The following SLC4A5 variants were observed in gnomAD, a reference collection of about 807,000 sequenced individuals.
SLC4A5 encodes the protein solute carrier family 4 member 5, also known as electrogenic sodium bicarbonate cotransporter 4.
SLC4A5 carries 96 observed loss-of-function variants against 120.4 expected under a neutral mutation model. That is an observed-to-expected ratio of 0.80 (90% CI 0.68 to 0.94). The LOEUF (loss-of-function observed/expected upper bound fraction) is 0.94, where lower values mean the gene tolerates loss of function less well. Among genes scored for constraint, SLC4A5 ranks in the 40% least tolerant of loss-of-function variants. The pLI is 0.00. For missense variants in SLC4A5, 1,259 were observed against 1,459.5 expected (o/e 0.86, Z 2.24); for synonymous variants, 550 against 571.1 (o/e 0.96, Z 0.53).
intron 5 of SLC4A5, among the ~76,000 whole-genome samples, chr2:74,320,920 T>C (rs1385436684): frequency 2.6e-5 from 4 of 152,202 alleles, no homozygotes; most frequent in African/African-American, 9.7e-5. Flanking sequence ...GTAATCATGG[T>C]ACACTATACT....
chr2:74,227,200 A>C (rs1451726017), intron 26 of SLC4A5, 70 bp from the exon 27 acceptor site: 12 of 1,490,310 alleles, frequency 8.1e-6, no homozygotes. Context: ...GGACTAGGGG[A>C]AGGGGTGCCT....
chr2:74,237,687 A>G (rs975352505), intron 21 of SLC4A5, among the ~76,000 whole-genome samples: 4 of 152,190 alleles, frequency 2.6e-5, no homozygotes, highest in Non-Finnish European at 5.9e-5. Context: ...ACGGTGGGAA[A>G]GAGTTGCTTA....
chr2:74,217,559 G>A (rs1249200974), exon 31 of SLC4A5: 1 of 152,138 alleles, frequency 6.6e-6, no homozygotes, highest in African/African-American at 2.4e-5. Flanking sequence ...TTTGCAGGGA[G>A]GACCCACCCA....
chr2:74,257,734 C>T lies in SLC4A5; in HGVS notation c.868-1802G>A, dbSNP rs953430422. Among the ~76,000 whole-genome samples, 8 of 152,072 alleles carry T rather than the reference C, an allele frequency of 5.3e-5. No homozygotes were observed. The East Asian group carries it at 9.7e-4, about 18-fold the overall frequency. On this transcript the variant is annotated intron_variant, in intron 12 of 30. Coordinates refer to ENST00000394019, the Ensembl canonical transcript of SLC4A5. Reference sequence around the variant, plus strand: ...CTGGGACTACAGGCATGTGCCACCACGCCCGGCTAATTTTTGTATTTTTGA... The same window carrying T: ...CTGGGACTACAGGCATGTGCCACCATGCCCGGCTAATTTTTGTATTTTTGA...
At chr2:74,292,060 A>C (rs1464919333) in intron 7 of SLC4A5, among the ~76,000 whole-genome samples, 1 of 152,208 alleles carries the variant, frequency 6.6e-6, no homozygotes, top group Non-Finnish European at 1.5e-5. Context: ...CTGGCAAGAC[A>C]TCAAGCTCCC....
intron 8 of SLC4A5, among the ~76,000 whole-genome samples, chr2:74,278,311 G>C (rs1486725878): frequency 6.6e-6 from 1 of 152,138 alleles, no homozygotes; most frequent in Non-Finnish European, 1.5e-5. Context: ...CACTTAATTA[G>C]CCTTCCAATC....
At chr2:74,254,529 G>A (rs1280107420) in intron 14 of SLC4A5, 90 bp downstream of exon 14, 5 of 1,006,726 alleles carry the variant, frequency 5.0e-6, no homozygotes, top group East Asian at 2.4e-5. Context: ...GTGCTCAAAT[G>A]TGCTGGCTGG....
chr2:74,308,551 T>C (rs1227252545), intron 6 of SLC4A5, among the ~76,000 whole-genome samples: 1 of 152,264 alleles, frequency 6.6e-6, no homozygotes, highest in Non-Finnish European at 1.5e-5. Context: ...ATATCTTTTG[T>C]CCATTATTAA....
intron 7 of SLC4A5, among the ~76,000 whole-genome samples, chr2:74,296,171 G>T (rs1162565632): frequency 6.6e-6 from 1 of 151,994 alleles, no homozygotes; most frequent in Non-Finnish European, 1.5e-5. Context: ...TCTTGGCTAG[G>T]GAGGGAATGC....
At chr2:74,254,643 G>A in exon 14 of SLC4A5, 1 of 1,614,068 alleles carries the variant, frequency 6.2e-7, no homozygotes, top group Non-Finnish European at 8.5e-7. Context: ...GGGTTGCAAT[G>A]GCACGGCCAA....
chr2:74,219,649 G>A (rs894048104), intron 30 of SLC4A5, among the ~76,000 whole-genome samples: 4 of 152,118 alleles, frequency 2.6e-5, no homozygotes, highest in Non-Finnish European at 5.9e-5. Flanking sequence ...ATTTAACAGG[G>A]TTTTGGAAAC....
At chr2:74,271,308 CT>C (rs1334516560) in intron 8 of SLC4A5, among the ~76,000 whole-genome samples, 1 of 152,110 alleles carries the variant, frequency 6.6e-6, no homozygotes, top group African/African-American at 2.4e-5. Context: ...ACCTGAAGCA[CT>C]TTAGAAACCA....
chr2:74,281,274 AC>A (rs1420394276), intron 8 of SLC4A5, among the ~76,000 whole-genome samples: 1 of 152,216 alleles, frequency 6.6e-6, no homozygotes, highest in African/African-American at 2.4e-5. Flanking sequence ...ATTTGCTTTC[AC>A]AGCTCTTGGG....
chr2:74,248,795 T>C (rs1670700190), intron 17 of SLC4A5, among the ~76,000 whole-genome samples: 1 of 152,246 alleles, frequency 6.6e-6, no homozygotes, highest in South Asian at 2.1e-4. Context: ...AGCCCATTTA[T>C]CCATCTGATT....
At chr2:74,241,519 T>C (rs926848432) in intron 20 of SLC4A5, among the ~76,000 whole-genome samples, 7 of 151,798 alleles carry the variant, frequency 4.6e-5, no homozygotes, top group African/African-American at 1.7e-4. Context: ...GGCCGGCAGA[T>C]CACTTGAAGT....
intron 20 of SLC4A5, 125 bp downstream of exon 20, chr2:74,241,869 C>T (rs368955090): frequency 1.2e-4 from 90 of 720,830 alleles, no homozygotes; most frequent in African/African-American, 9.6e-4. Flanking sequence ...GTGACCCTGA[C>T]GTGCAGCTGG....
At chr2:74,243,322 G>A (rs1670506430) in intron 19 of SLC4A5, among the ~76,000 whole-genome samples, 1 of 152,204 alleles carries the variant, frequency 6.6e-6, no homozygotes, top group Non-Finnish European at 1.5e-5. Flanking sequence ...CCACCCATAG[G>A]AAGTCAGGCT....
chr2:74,240,947 C>T lies in SLC4A5; in HGVS notation c.2118+1047G>A, dbSNP rs112935799. ...GGTGCTACCTTCATCTGGAATTGAA[C>T]TTCTATCATTAAGCCACTTAGGCTG... is the stretch of plus-strand genomic sequence containing the variant. On this transcript the variant is annotated intron_variant, in intron 20 of 30. Transcript: ENST00000394019. Among the ~76,000 whole-genome samples, 211 of 152,232 alleles carry T rather than the reference C, an allele frequency of 1.4e-3. 1 individual carries two copies. The highest frequency in any genetic ancestry group is 4.9e-3 in the African/African-American group (204 of 41,542).
chr2:74,287,601 T>C, intron 7 of SLC4A5, among the ~76,000 whole-genome samples: 1 of 152,108 alleles, frequency 6.6e-6, no homozygotes, highest in South Asian at 2.1e-4. Context: ...GCGGCATCCT[T>C]CCATGCATCC....
Sources: allele counts gnomAD v4.1 joint callset (sites outside exome capture counted in the v4.1 genomes callset), GRCh38; gene constraint gnomAD v4.1.1; transcripts MANE v1.5; gene names NCBI Gene and HGNC (gene_info 2026-07-23, HGNC 2026-07-21).